The following LTBP1 variants were observed in gnomAD, a reference collection of about 807,000 sequenced individuals.
The protein encoded by LTBP1 is latent transforming growth factor beta binding protein 1.
LTBP1 carries 129 observed loss-of-function variants against 207.6 expected under a neutral mutation model. The observed-to-expected ratio is 0.62, with a 90% CI of 0.54 to 0.72. LTBP1 has a LOEUF of 0.72. Ranked by LOEUF, LTBP1 falls within the 30% of genes least tolerant of loss-of-function variation. The probability of loss-of-function intolerance (pLI) is 0.00; values close to 1 mark genes in which losing one functional copy is unlikely to be tolerated. For missense variants in LTBP1, 2,281 were observed against 2,217.2 expected, an observed-to-expected ratio of 1.03 and a Z score of -0.58; for synonymous variants, 963 against 833.7, an observed-to-expected ratio of 1.16 and a Z score of -2.67.
chr2:33,258,051 A>G (rs758568538), intron 12 of LTBP1, among the ~76,000 whole-genome samples: 2 of 152,222 alleles, frequency 1.3e-5, no homozygotes, highest in Non-Finnish European at 2.9e-5. Context: ...ATGACTTGCC[A>G]GATGTCATAT....
At chr2:33,252,654 C>T (rs1420353069) in intron 10 of LTBP1, 23 bp from the exon 11 acceptor site, 5 of 1,586,172 alleles carry the variant, frequency 3.2e-6, no homozygotes, top group South Asian at 2.3e-5. Context: ...CATGTAATGT[C>T]GGGCTTTATC....
At chr2:33,090,846 A>G (rs546529966) in intron 3 of LTBP1, among the ~76,000 whole-genome samples, 4 of 152,226 alleles carry the variant, frequency 2.6e-5, no homozygotes, top group African/African-American at 9.6e-5. Flanking sequence ...GAGGGAAGGC[A>G]CTTGCTGGTA....
chr2:33,245,328 T>C (rs189645687), intron 10 of LTBP1, among the ~76,000 whole-genome samples: 1 of 152,354 alleles, frequency 6.6e-6, no homozygotes, highest in East Asian at 1.9e-4. Flanking sequence ...CTCTTTGCCC[T>C]AAGGTGAGAT....
At chr2:33,384,467 C>G (rs2095248670) in intron 31 of LTBP1, among the ~76,000 whole-genome samples, 1 of 152,172 alleles carries the variant, frequency 6.6e-6, no homozygotes, top group Non-Finnish European at 1.5e-5. Flanking sequence ...TGGCTAGATT[C>G]CAGATGGACA....
At chr2:33,074,447 C>CA (rs1182104718) in intron 3 of LTBP1, among the ~76,000 whole-genome samples, 3 of 152,004 alleles carry the variant, frequency 2.0e-5, no homozygotes, top group African/African-American at 2.4e-5. Context: ...TAAGAAGGGT[C>CA]AAAAAAAGGC....
intron 7 of LTBP1, among the ~76,000 whole-genome samples, chr2:33,204,567 C>T (rs2089674410): frequency 8.5e-6 from 1 of 118,120 alleles, no homozygotes; most frequent in Admixed American, 8.3e-5. Flanking sequence ...TCAAGATAAG[C>T]CTCTTTTTTT....
At chr2:33,097,565 C>T (rs184083583) in intron 3 of LTBP1, among the ~76,000 whole-genome samples, 1 of 152,248 alleles carries the variant, frequency 6.6e-6, no homozygotes, top group African/African-American at 2.4e-5. Context: ...TGTTAAAATT[C>T]AACTTTATTT....
intron 26 of LTBP1, among the ~76,000 whole-genome samples, chr2:33,353,513 C>T (rs2094811527): frequency 6.6e-6 from 1 of 152,208 alleles, no homozygotes; most frequent in African/African-American, 2.4e-5. Context: ...CACTCGGTAA[C>T]TGTTGAATAA....
chr2:33,218,477 G>A (rs542516114), intron 8 of LTBP1, among the ~76,000 whole-genome samples: 12 of 152,264 alleles, frequency 7.9e-5, no homozygotes, highest in African/African-American at 2.9e-4. Context: ...GCTCACTGCA[G>A]CCTCCGCCTC....
In LTBP1 at chr2:33,351,745, G is replaced by A. The variant is rs141987193; in HGVS notation, c.4000+4235G>A. Among the ~76,000 whole-genome samples the A allele has an allele frequency of 9.8e-3, 1,495 of 152,194 alleles. 10 individuals carry two copies. The highest frequency in any genetic ancestry group is 0.02 in the South Asian group (98 of 4,828). On this transcript the variant is annotated intron_variant, in intron 26 of 33. Coordinates refer to ENST00000404816, the MANE Select transcript of LTBP1 (RefSeq NM_206943.4). ...ACAGTGGTTTTTCATCTTTTCCCCC[G>A]TCTTTGCCCTGTGATTGATTTCATG... is the stretch of plus-strand genomic sequence containing the variant.
chr2:33,086,623 G>T (rs1198276730), intron 3 of LTBP1, among the ~76,000 whole-genome samples: 1 of 152,200 alleles, frequency 6.6e-6, no homozygotes, highest in African/African-American at 2.4e-5. Context: ...ACAGGGTTCA[G>T]CTGTAAGACT....
At chr2:33,361,087 A>C (rs1369297734) in intron 27 of LTBP1, among the ~76,000 whole-genome samples, 1 of 152,198 alleles carries the variant, frequency 6.6e-6, no homozygotes, top group African/African-American at 2.4e-5. Context: ...TTCGTAACTA[A>C]AGCTTGTGTA....
intron 5 of LTBP1, among the ~76,000 whole-genome samples, chr2:33,168,399 C>CAAAAAAAAAAAAAAAAA (rs10616798): frequency 1.9e-5 from 2 of 103,812 alleles, no homozygotes; most frequent in African/African-American, 3.6e-5. Flanking sequence ...GTCTTTGTCT[C>CAAAAAAAAAAAAAAAAA]AAAAAAAAAA....
Position 33,043,157 on chromosome 2 carries a change from A to G in LTBP1, c.863+21951A>G, listed in dbSNP as rs79158433. Among the ~76,000 whole-genome samples the G allele has an allele frequency of 6.5e-3, 997 of 152,320 alleles. 9 individuals carry two copies. Among genetic ancestry groups the G allele is most frequent in the African/African-American group, 0.023 (950 of 41,578 alleles). On this transcript the variant is annotated intron_variant, in intron 3 of 33. Coordinates refer to ENST00000404816, the MANE Select transcript of LTBP1 (RefSeq NM_206943.4). The stretch of plus-strand genomic sequence containing the variant: ...ACAGTGATGGCACAGCAAATGTTCC[A>G]TGTCTCAGCTTGAAAACATTATGGC...
intron 24 of LTBP1, among the ~76,000 whole-genome samples, chr2:33,319,005 C>T (rs534405608): frequency 2.0e-5 from 3 of 152,072 alleles, no homozygotes; most frequent in South Asian, 2.1e-4. Flanking sequence ...GGGACTGAGA[C>T]GGAAGGATCG....
intron 5 of LTBP1, among the ~76,000 whole-genome samples, chr2:33,170,437 C>T (rs1039982080): frequency 5.9e-5 from 9 of 152,170 alleles, no homozygotes; most frequent in South Asian, 2.1e-4. Flanking sequence ...TGCAAGGCCG[C>T]GGCCAGGCTG....
At chr2:33,015,791 A>G (rs552750010) in intron 2 of LTBP1, among the ~76,000 whole-genome samples, 3 of 152,304 alleles carry the variant, frequency 2.0e-5, no homozygotes, top group Non-Finnish European at 2.9e-5. Flanking sequence ...GAAACTTCCA[A>G]TCATGGCATG....
chr2:33,242,002 C>T (rs12623060), intron 9 of LTBP1, among the ~76,000 whole-genome samples: 23,515 of 152,186 alleles, frequency 0.15, 2,235 homozygotes, highest in East Asian at 0.22. Context: ...TTTCCAGCTA[C>T]GTGCAAGTTG....
At chr2:33,260,445 A>G (rs1170263261) in intron 13 of LTBP1, among the ~76,000 whole-genome samples, 3 of 152,190 alleles carry the variant, frequency 2.0e-5, no homozygotes, top group Non-Finnish European at 4.4e-5. Flanking sequence ...ATATTTATAC[A>G]TTTATGTACC....
Sources: allele counts gnomAD v4.1 joint callset (sites outside exome capture counted in the v4.1 genomes callset), GRCh38; gene constraint gnomAD v4.1.1; transcripts MANE v1.5; gene names NCBI Gene and HGNC (gene_info 2026-07-23, HGNC 2026-07-21).